Variants in NHERF1 observed in about 807,000 individuals in gnomAD.
NHERF1 encodes Na(+)/H(+) exchange regulatory cofactor NHE-RF1.
the NHERF1 span, chr17:74,748,683 C>G: frequency 4.8e-6 from 3 of 618,646 alleles, no homozygotes; most frequent in Admixed American, 9.3e-5. The surrounding 1 kb of genome is among the most constrained non-coding windows in gnomAD (Gnocchi z 4.3). Flanking sequence ...CCTCGCGGCT[C>G]GCGGCGGCCG....
the NHERF1 span, among the ~76,000 whole-genome samples, chr17:74,756,404 G>C: frequency 6.7e-6 from 1 of 150,012 alleles, no homozygotes; most frequent in Non-Finnish European, 1.5e-5. Flanking sequence ...TCAGCCTCTG[G>C]AGTAGCTGGG....
chr17:74,751,258 T>A, the NHERF1 span, among the ~76,000 whole-genome samples: 1 of 152,294 alleles, frequency 6.6e-6, no homozygotes, highest in East Asian at 1.9e-4. The surrounding 1 kb of genome is among the most constrained non-coding windows in gnomAD (Gnocchi z 4.3). Context: ...TCCTCTCCTC[T>A]CAATCCTGTG....
At chr17:74,755,546 G>A in the NHERF1 span, among the ~76,000 whole-genome samples, 1 of 152,206 alleles carries the variant, frequency 6.6e-6, no homozygotes, top group Admixed American at 6.5e-5. Context: ...GTCACCTCGG[G>A]GTGGTGTGGG....
the NHERF1 span, among the ~76,000 whole-genome samples, chr17:74,759,751 A>G: frequency 3.5e-4 from 54 of 152,320 alleles, no homozygotes; most frequent in Non-Finnish European, 6.2e-4. Flanking sequence ...TCACCTCCCA[A>G]TGGGTTGCCC....
the NHERF1 span, chr17:74,768,342 G>C: frequency 7.3e-7 from 1 of 1,376,338 alleles, no homozygotes; most frequent in Non-Finnish European, 1.0e-6. Flanking sequence ...ATGCTGAGCC[G>C]CATTCTGTTC....
the NHERF1 span, chr17:74,763,447 G>A: frequency 3.7e-6 from 6 of 1,613,890 alleles, no homozygotes; most frequent in Admixed American, 1.0e-4. Context: ...AGACCAAGCT[G>A]CTGGTGGTGG....
At chr17:74,763,543 C>T in the NHERF1 span, 1 of 1,567,138 alleles carries the variant, frequency 6.4e-7, no homozygotes, top group African/African-American at 1.4e-5. Flanking sequence ...GGGCCACTGG[C>T]CGTCCTGGGG....
chr17:74,750,095 C>G, the NHERF1 span, among the ~76,000 whole-genome samples: 1 of 152,206 alleles, frequency 6.6e-6, no homozygotes, highest in Non-Finnish European at 1.5e-5. Flanking sequence ...CTGGGGCTCA[C>G]GGCCCTGTGT....
At chr17:74,751,180 T>G in the NHERF1 span, among the ~76,000 whole-genome samples, 1 of 152,228 alleles carries the variant, frequency 6.6e-6, no homozygotes, top group African/African-American at 2.4e-5. The surrounding 1 kb of genome is among the most constrained non-coding windows in gnomAD (Gnocchi z 4.3). Flanking sequence ...CCTTCATGCC[T>G]GGCGTTTGAA....
the NHERF1 span, chr17:74,748,678 C>T: frequency 1.6e-6 from 1 of 607,436 alleles, no homozygotes; most frequent in Non-Finnish European, 2.8e-6. The surrounding 1 kb of genome is among the most constrained non-coding windows in gnomAD (Gnocchi z 4.3). Flanking sequence ...CGGCTCCTCG[C>T]GGCTCGCGGC....
chr17:74,768,454 A>G, the NHERF1 span: 1 of 1,613,624 alleles, frequency 6.2e-7, no homozygotes, highest in Non-Finnish European at 8.5e-7. Context: ...TCCTGCCCCC[A>G]CTTCTCTTTA....
the NHERF1 span, chr17:74,766,971 C>T: frequency 6.2e-7 from 1 of 1,613,890 alleles, no homozygotes. Context: ...TGGGGAGATA[C>T]AGAAGGTAAG....
At chr17:74,763,041 G>T in the NHERF1 span, 2 of 260,738 alleles carry the variant, frequency 7.7e-6, no homozygotes, top group African/African-American at 2.2e-5. Context: ...GAAGGAAGTC[G>T]GACAGCAAGT....
At chr17:74,767,549 G>T in the NHERF1 span, among the ~76,000 whole-genome samples, 1 of 152,200 alleles carries the variant, frequency 6.6e-6, no homozygotes, top group Non-Finnish European at 1.5e-5. Context: ...CTGCTTAAAG[G>T]TTCCCCTTCC....
At chr17:74,749,897 C>T in the NHERF1 span, among the ~76,000 whole-genome samples, 18 of 152,352 alleles carry the variant, frequency 1.2e-4, no homozygotes, top group East Asian at 1.7e-3. The surrounding 1 kb of genome is among the most constrained non-coding windows in gnomAD (Gnocchi z 5.6). Context: ...GCCCCACCAT[C>T]TCAGGGCGGT....
At chr17:74,756,196 G>A in the NHERF1 span, among the ~76,000 whole-genome samples, 3 of 150,774 alleles carry the variant, frequency 2.0e-5, no homozygotes, top group Admixed American at 1.3e-4. Flanking sequence ...TGATCCACTT[G>A]CCTCGTCCTC....
the NHERF1 span, chr17:74,766,839 C>G: frequency 1.8e-6 from 2 of 1,141,428 alleles, no homozygotes; most frequent in Non-Finnish European, 1.3e-6. Context: ...ACCCAGGGAA[C>G]AAGATCTAAT....
At chr17:74,757,288 T>A in the NHERF1 span, among the ~76,000 whole-genome samples, 1 of 152,098 alleles carries the variant, frequency 6.6e-6, no homozygotes, top group Admixed American at 6.5e-5. Flanking sequence ...CAGGGAAAGC[T>A]CTTCCCACTG....
chr17:74,764,345 G>A, the NHERF1 span, among the ~76,000 whole-genome samples: 1 of 152,220 alleles, frequency 6.6e-6, no homozygotes, highest in South Asian at 2.1e-4. This position sits in a 1 kb window ranked among gnomAD's most constrained non-coding sequence, Gnocchi z 4.9. Flanking sequence ...GCCCACTGGG[G>A]AGGCCCTGTC....
Sources: gnomAD v4.1 joint callset for allele counts (sites outside exome capture counted in the v4.1 genomes callset) on GRCh38, gnomAD v4.1.1 for gene constraint, Gnocchi (gnomAD v3.1) non-coding constraint, MANE v1.5 for transcripts, NCBI Gene and HGNC (gene_info 2026-07-23, HGNC 2026-07-21) for gene names.